GORAB: variants seen among roughly 807,000 people sequenced by gnomAD.
The protein encoded by GORAB is golgin, RAB6 interacting, also known as RAB6-interacting golgin.
GORAB carries 17 observed loss-of-function variants against 29.9 expected under a neutral mutation model. The observed-to-expected ratio is 0.57, with a 90% CI of 0.39 to 0.85. The LOEUF (loss-of-function observed/expected upper bound fraction) is 0.85. Ranked by LOEUF, GORAB falls within the 40% of genes least tolerant of loss-of-function variation. The pLI is 0.00. For synonymous variants in GORAB, 183 were observed against 157.2 expected (o/e 1.16, Z -1.23); for missense variants, 442 against 437.8 (o/e 1.01, Z -0.09).
chr1:170,539,704 A>G, intron 2 of GORAB, 137 bp downstream of exon 2: 1 of 935,024 alleles, frequency 1.1e-6, no homozygotes, highest in South Asian at 1.7e-5. Context: ...AATGTGATGT[A>G]TAAACTATTG....
At chr1:170,532,416 A>G in intron 1 of GORAB, 132 bp downstream of exon 1, 1 of 982,892 alleles carries the variant, frequency 1.0e-6, no homozygotes, top group Non-Finnish European at 1.6e-6. Context: ...AAGTACGTGG[A>G]CTGGATTAGG....
At position 170,552,256 on chromosome 1, in the gene GORAB, A is replaced by T. The variant is rs751762465; in HGVS notation, c.904A>T (p.Arg302Ter). The T allele has an allele frequency of 6.2e-7, 1 of 1,614,162 alleles. No homozygotes were observed. Among genetic ancestry groups the T allele is most frequent in the Admixed American group, 1.7e-5 (1 of 60,018 alleles). The change falls in exon 5 of 5, where the codon AGA becomes TGA. Residue 302 changes from arginine (R) to a stop codon, truncating the protein, a stop_gained. Coordinates refer to ENST00000367763, the MANE Select transcript of GORAB (RefSeq NM_152281.3). LOFTEE classifies it low-confidence loss of function (END_TRUNC). ...LLHEQEVESR[R>*]PVVRLERPFQ... Reference sequence around the variant, plus strand: ...ACACGAACAAGAAGTAGAATCAAGGAGACCAGTGGTTCGTTTAGAGAGGCC... The same window carrying T: ...ACACGAACAAGAAGTAGAATCAAGGTGACCAGTGGTTCGTTTAGAGAGGCC...
chr1:170,536,972 T>C (rs1649101756), intron 1 of GORAB, among the ~76,000 whole-genome samples: 1 of 152,172 alleles, frequency 6.6e-6, no homozygotes, highest in South Asian at 2.1e-4. Flanking sequence ...ATAAAGGATA[T>C]GGAGTATATA....
At chr1:170,539,593 A>G in intron 2 of GORAB, 26 bp downstream of exon 2, 1 of 1,607,734 alleles carries the variant, frequency 6.2e-7, no homozygotes. Context: ...TGAAAAGTCC[A>G]TGAGACTTTT....
chr1:170,541,321 T>A (rs917306534), intron 2 of GORAB, among the ~76,000 whole-genome samples: 6 of 151,850 alleles, frequency 4.0e-5, no homozygotes, highest in African/African-American at 1.5e-4. Flanking sequence ...ATGCCTTCCT[T>A]CCTAGCAAGT....
At chr1:170,542,742 G>A (rs1649513756) in intron 3 of GORAB, 150 bp downstream of exon 3, 2 of 695,378 alleles carry the variant, frequency 2.9e-6, no homozygotes, top group South Asian at 3.2e-5. Flanking sequence ...TGCTTTATAA[G>A]TGATACTGAA....
At chr1:170,541,311 A>G (rs1649409379) in intron 2 of GORAB, among the ~76,000 whole-genome samples, 1 of 151,144 alleles carries the variant, frequency 6.6e-6, no homozygotes, top group Non-Finnish European at 1.5e-5. Context: ...GAAGCAGGGG[A>G]TGCCTTCCTT....
chr1:170,547,692 T>C lies in GORAB; in HGVS notation c.662+2847T>C, dbSNP rs549486332. Among the ~76,000 whole-genome samples the C allele has an allele frequency of 3.3e-5, 5 of 152,318 alleles. No homozygotes were observed. In the East Asian group the frequency reaches 9.6e-4, roughly 29 times the overall value. ...GGGATTGTGTAAAACAACTTTAAAATTTTAATAAGAATGTAAGCATGGTAA... is the reference window on the plus strand; with the variant it reads ...GGGATTGTGTAAAACAACTTTAAAACTTTAATAAGAATGTAAGCATGGTAA... On this transcript the variant is annotated intron_variant, in intron 4 of 4. Coordinates refer to ENST00000367763, the MANE Select transcript of GORAB (RefSeq NM_152281.3).
intron 3 of GORAB, among the ~76,000 whole-genome samples, chr1:170,543,524 C>T (rs1210542569): frequency 6.6e-6 from 1 of 151,684 alleles, no homozygotes; most frequent in Non-Finnish European, 1.5e-5. Context: ...TTTTCTTTTT[C>T]TACTACTGGT....
In GORAB at chr1:170,552,529, C is replaced by A; in HGVS notation, c.*67C>A. On this transcript the variant is annotated 3_prime_UTR_variant, in exon 5 of 5. Coordinates refer to ENST00000367763, the MANE Select transcript of GORAB (RefSeq NM_152281.3). ...TATACTTTTTGCAGTAGATCATGCC[C>A]TGACCTCCAATAAAAACCTCTTTAA... The A allele has an allele frequency of 1.6e-6, 2 of 1,251,220 alleles. 1 individual carries two copies. The highest frequency in any genetic ancestry group is 2.3e-6 in the Non-Finnish European group (2 of 855,344). The allele number at this position is 1,251,220 out of a possible 1,614,324, so 77.5% of individuals were successfully genotyped here.
At position 170,544,576 on chromosome 1, in the gene GORAB, AT is replaced by A. The variant is rs138045019; in HGVS notation, c.522-122del. 7.6e-6 allele frequency: 5 copies of A among 658,526 alleles called. No homozygotes were observed. In the South Asian group the frequency reaches 9.4e-5, roughly 12 times the overall value. The allele number at this position is 658,526 out of a possible 1,614,324, so 40.8% of individuals were successfully genotyped here. ...CTTTTACTTTATTTCAATTTTTCTG[AT>A]TTTTTTCTAACTTTTAAAATATAAA... On this transcript the variant is annotated intron_variant, in intron 3 of 4. Coordinates refer to ENST00000367763, the MANE Select transcript of GORAB (RefSeq NM_152281.3).
At chr1:170,550,585 T>A (rs1650045524) in intron 4 of GORAB, among the ~76,000 whole-genome samples, 1 of 152,218 alleles carries the variant, frequency 6.6e-6, no homozygotes, top group African/African-American at 2.4e-5. Context: ...ACATGGTAAA[T>A]GTCAGGAAGG....
At chr1:170,544,241 A>G (rs184556364) in intron 3 of GORAB, among the ~76,000 whole-genome samples, 245 of 152,310 alleles carry the variant, frequency 1.6e-3, no homozygotes, top group African/African-American at 5.8e-3. Flanking sequence ...AGAAAGTTAA[A>G]ACTAAGTGGA....
chr1:170,547,717 A>T (rs1198220823), intron 4 of GORAB, among the ~76,000 whole-genome samples: 1 of 152,220 alleles, frequency 6.6e-6, no homozygotes. Context: ...AAGCATGGTA[A>T]CCATCTTTGT....
intron 1 of GORAB, among the ~76,000 whole-genome samples, chr1:170,534,385 G>A (rs149843006): frequency 1.9e-4 from 29 of 152,238 alleles, no homozygotes; most frequent in Non-Finnish European, 3.4e-4. Flanking sequence ...AGTATATGGA[G>A]GGCCAACTTT....
Position 170,553,462 on chromosome 1 carries a change from A to C in GORAB, c.*1000A>C, listed in dbSNP as rs1383547999. 1.1e-5 allele frequency: 5 copies of C among 435,916 alleles called. No individual in the cohort carries two copies. The highest frequency in any genetic ancestry group is 2.3e-5 in the Non-Finnish European group (5 of 222,066). 27.0% of individuals were successfully genotyped at this position (435,916 alleles called of 1,614,324 possible). A position where few individuals can be genotyped will look rare whatever the true frequency, so the allele number is the denominator to read the frequency against. ...TTCTCACAAAGTCTGTGAATATCAC[A>C]TTATGATTTATTTATCAGAAATTCC... On this transcript the variant is annotated 3_prime_UTR_variant, in exon 5 of 5. Coordinates refer to ENST00000367763, the MANE Select transcript of GORAB (RefSeq NM_152281.3).
At position 170,545,461 on chromosome 1, in the gene GORAB, G is replaced by GA. The variant is rs1163064399; in HGVS notation, c.662+622dup. On this transcript the variant is annotated intron_variant, in intron 4 of 4. Coordinates refer to ENST00000367763, the MANE Select transcript of GORAB (RefSeq NM_152281.3). ...TCAACCATTGGCATTTTTTAAAAGA[G>GA]AAAAAATACCATGGAGTATTTTTAA... 7 of 975,278 alleles carry GA rather than the reference G, an allele frequency of 7.2e-6. No homozygotes were observed. In the Admixed American group the frequency reaches 1.8e-4, roughly 26 times the overall value. The allele number at this position is 975,278 out of a possible 1,614,324, so 60.4% of individuals were successfully genotyped here.
intron 1 of GORAB, chr1:170,532,586 T>G: frequency 2.5e-6 from 1 of 395,446 alleles, no homozygotes; most frequent in Non-Finnish European, 4.8e-6. Flanking sequence ...AGCCGGGGTG[T>G]CTCCCTTAGG....
intron 4 of GORAB, chr1:170,545,440 C>A (rs1353939636): frequency 1.0e-6 from 1 of 966,648 alleles, no homozygotes; most frequent in East Asian, 1.2e-4. Context: ...TTGGTTTCAA[C>A]CATTGGCATT....
Sources: allele counts gnomAD v4.1 joint callset (sites outside exome capture counted in the v4.1 genomes callset), GRCh38; gene constraint gnomAD v4.1.1; transcripts MANE v1.5; gene names NCBI Gene and HGNC (gene_info 2026-07-23, HGNC 2026-07-21).